The following GARNL3 variants were observed in gnomAD, a reference collection of about 807,000 sequenced individuals.
GARNL3 encodes GTPase activating Rap/RanGAP domain like 3.
Under a neutral mutation model 125.0 loss-of-function variants are expected in GARNL3, and 63 were observed. The ratio of observed to expected loss-of-function variants is 0.50; its 90% CI spans 0.41 to 0.62. The LOEUF (loss-of-function observed/expected upper bound fraction) is 0.62. Ranked by LOEUF, GARNL3 falls within the 20% of genes least tolerant of loss-of-function variation. GARNL3 has a pLI of 0.00. For synonymous variants in GARNL3, 439 were observed against 457.5 expected, an observed-to-expected ratio of 0.96 and a Z score of 0.52; for missense variants, 994 against 1,244.0, an observed-to-expected ratio of 0.80 and a Z score of 3.02.
intron 27 of GARNL3, 31 bp from the exon 28 acceptor site, chr9:127,393,052 A>G (rs7864853): frequency 0.56 from 864,906 of 1,554,850 alleles, 243,192 homozygotes; most frequent in South Asian, 0.67. Flanking sequence ...GTACTCCCAA[A>G]GATCCTCTTA....
upstream of GARNL3, among the ~76,000 whole-genome samples, chr9:127,260,319 C>T (rs868104966): frequency 2.0e-5 from 3 of 152,226 alleles, no homozygotes; most frequent in Middle Eastern, 3.4e-3. Context: ...GTTTGTGGAC[C>T]GCCTGCATCA....
intron 14 of GARNL3, 76 bp downstream of exon 14, chr9:127,342,410 A>C: frequency 1.0e-6 from 1 of 983,036 alleles, no homozygotes; most frequent in Non-Finnish European, 1.6e-6. Context: ...CTCAGCGATG[A>C]GGCCCTGGTG....
intron 2 of GARNL3, among the ~76,000 whole-genome samples, chr9:127,311,346 A>G (rs940317169): frequency 6.6e-6 from 1 of 152,148 alleles, no homozygotes; most frequent in Non-Finnish European, 1.5e-5. Flanking sequence ...ACCAACTCCC[A>G]AATACTGTGG....
At chr9:127,318,011 G>T in intron 4 of GARNL3, 52 bp from the exon 5 acceptor site, 1 of 1,084,108 alleles carries the variant, frequency 9.2e-7, no homozygotes, top group Non-Finnish European at 1.4e-6. Flanking sequence ...AGGCTCTTTT[G>T]GAGAAGGAAG....
intron 22 of GARNL3, among the ~76,000 whole-genome samples, chr9:127,374,308 A>T (rs1034003174): frequency 1.3e-5 from 2 of 152,186 alleles, no homozygotes; most frequent in Admixed American, 6.5e-5. Context: ...TCTCAAAAAA[A>T]CAAAAAGAAA....
upstream of GARNL3, among the ~76,000 whole-genome samples, chr9:127,261,058 C>T (rs2063578736): frequency 6.6e-6 from 1 of 152,074 alleles, no homozygotes; most frequent in Non-Finnish European, 1.5e-5. Flanking sequence ...GAGTTCGAGA[C>T]CAGCCTGGCC....
upstream of GARNL3, among the ~76,000 whole-genome samples, chr9:127,259,329 T>C (rs2063545061): frequency 6.6e-6 from 1 of 152,214 alleles, no homozygotes. Context: ...CTGCGAAGTG[T>C]GATTCAGCAT....
chr9:127,225,798 G>GCGGCCCGGCTCGCCCTGGCGCCCA (rs1251204305), intron 1 of GARNL3, among the ~76,000 whole-genome samples: 2 of 150,068 alleles, frequency 1.3e-5, no homozygotes, highest in Non-Finnish European at 3.0e-5. Flanking sequence ...TGCTGCCTCC[G>GCGGCCCGGCTCGCCCTGGCGCCCA]CGGCCCCCGC....
chr9:127,265,891 C>T (rs1445752586), intron 1 of GARNL3, among the ~76,000 whole-genome samples: 3 of 152,148 alleles, frequency 2.0e-5, no homozygotes, highest in East Asian at 1.9e-4. Context: ...GTACCAGTGG[C>T]GTTCTACTTG....
chr9:127,377,338 A>G (rs906220610), intron 22 of GARNL3, among the ~76,000 whole-genome samples: 3 of 152,386 alleles, frequency 2.0e-5, no homozygotes, highest in South Asian at 4.1e-4. Flanking sequence ...CAATTGGACA[A>G]ACTTTTGGAA....
At chr9:127,378,772 T>C (rs1035711855) in intron 22 of GARNL3, among the ~76,000 whole-genome samples, 4 of 152,110 alleles carry the variant, frequency 2.6e-5, no homozygotes, top group Non-Finnish European at 2.9e-5. Context: ...ATTTTTTGTT[T>C]GTTTGTTTGT....
chr9:127,234,142 A>C (rs1482517804), intron 1 of GARNL3, among the ~76,000 whole-genome samples: 1 of 152,244 alleles, frequency 6.6e-6, no homozygotes, highest in Non-Finnish European at 1.5e-5. Flanking sequence ...ATGGGCTCTT[A>C]GAGCCAGCAG....
chr9:127,388,830 CA>C, intron 25 of GARNL3, 73 bp from the exon 26 acceptor site: 2 of 929,760 alleles, frequency 2.2e-6, no homozygotes, highest in Admixed American at 3.5e-5. Context: ...TGTTAAGGAA[CA>C]AGAAATTACT....
At chr9:127,365,092 C>T (rs1831211227) in intron 21 of GARNL3, 1 of 502,186 alleles carries the variant, frequency 2.0e-6, no homozygotes, top group Non-Finnish European at 3.6e-6. Flanking sequence ...ACTTTTCTTT[C>T]TTTTTTTTCT....
chr9:127,390,450 C>T (rs990570940), intron 26 of GARNL3, among the ~76,000 whole-genome samples, 191 bp from the exon 27 acceptor site: 2 of 152,144 alleles, frequency 1.3e-5, no homozygotes, highest in African/African-American at 4.8e-5. Context: ...AGTGTGTATA[C>T]TTTATAATCA....
Position 127,280,225 on chromosome 9 carries a change from C to G in GARNL3, c.145-10943C>G, listed in dbSNP as rs564481496. Among the ~76,000 whole-genome samples, 6 of 152,182 alleles carry G rather than the reference C, an allele frequency of 3.9e-5. No homozygotes were observed. The highest frequency in any genetic ancestry group is 3.9e-4 in the Admixed American group (6 of 15,292). On this transcript the variant is annotated intron_variant, in intron 1 of 27. Coordinates refer to ENST00000373387, the MANE Select transcript of GARNL3 (RefSeq NM_032293.5). The surrounding 1 kb of genome is among the most constrained non-coding windows in gnomAD (Gnocchi z 4.5). ...TTGGCATGTTGGGGAAACTAAACTCCCTGGGATGCTCTGCCCTCAGGACTC... is the reference window on the plus strand; with the variant it reads ...TTGGCATGTTGGGGAAACTAAACTCGCTGGGATGCTCTGCCCTCAGGACTC...
rs1200645021 is a variant in GARNL3, at chr9:127,349,769, CT to C, written c.1543+736del. Among the ~76,000 whole-genome samples, 15 of 152,270 alleles carry C rather than the reference CT, an allele frequency of 9.9e-5. No homozygotes were observed. The South Asian group carries it at 3.1e-3, about 32-fold the overall frequency. ...CACTAGTAACAGGTTGTCTCCTGGG[CT>C]TCAGAGGGAGCCATAGGCACAGAGA... On this transcript the variant is annotated intron_variant, in intron 17 of 27. Coordinates refer to ENST00000373387, the MANE Select transcript of GARNL3 (RefSeq NM_032293.5).
rs386361566 is a variant in GARNL3, at chr9:127,378,243, C to CAAA, written c.2162-5178_2162-5176dup. ...TGGGCAACAAAGCAAGACTCTGTCT[C>CAAA]AAAAAAAAAAAAAAAAAAATCATTA... On this transcript the variant is annotated intron_variant, in intron 22 of 27. Coordinates refer to ENST00000373387, the MANE Select transcript of GARNL3 (RefSeq NM_032293.5). 6.5e-3 allele frequency among the ~76,000 whole-genome samples: 574 copies of CAAA among 88,236 alleles called. 5 individuals carry two copies. The highest frequency in any genetic ancestry group is 0.024 in the African/African-American group (530 of 22,338). 57.9% of individuals were successfully genotyped at this position (88,236 alleles called of 152,430 possible).
At chr9:127,324,734 G>A (rs767869447) in intron 6 of GARNL3, among the ~76,000 whole-genome samples, 1 of 152,200 alleles carries the variant, frequency 6.6e-6, no homozygotes, top group Admixed American at 6.5e-5. Flanking sequence ...CTTCACAGGG[G>A]TTAAGACAGA....
Sources: allele counts gnomAD v4.1 joint callset (sites outside exome capture counted in the v4.1 genomes callset), GRCh38; gene constraint gnomAD v4.1.1; non-coding constraint Gnocchi (gnomAD v3.1); transcripts MANE v1.5; gene names NCBI Gene and HGNC (gene_info 2026-07-23, HGNC 2026-07-21).